FNDC3B: variants seen among roughly 807,000 people sequenced by gnomAD.
FNDC3B encodes fibronectin type III domain containing 3B, also known as fibronectin type III domain-containing protein 3B.
Under a neutral mutation model 151.5 loss-of-function variants are expected in FNDC3B, and 12 were observed. That is an observed-to-expected ratio of 0.08 (90% CI 0.05 to 0.13). The LOEUF is 0.13. Ranked by LOEUF, FNDC3B falls within the 10% of genes least tolerant of loss-of-function variation. The pLI is 1.00. For synonymous variants in FNDC3B, 528 were observed against 549.0 expected (o/e 0.96, Z 0.54); for missense variants, 1,214 against 1,505.3 (o/e 0.81, Z 3.20).
At position 172,399,194 on chromosome 3, in the gene FNDC3B, C is replaced by T. The variant is rs1457832776; in HGVS notation, c.*1719C>T. The T allele has an allele frequency of 6.6e-6, 1 of 152,568 alleles. No homozygotes were observed. Among genetic ancestry groups the T allele is most frequent in the African/African-American group, 2.4e-5 (1 of 41,430 alleles). The allele number at this position is 152,568 out of a possible 1,614,324, so 9.5% of individuals were successfully genotyped here. A position where few individuals can be genotyped will look rare whatever the true frequency, so the allele number is the denominator to read the frequency against. ...CATACAGTACTTTAAATGCCAATTA[C>T]AGTGCAATCTTTATTTATTGTAAAA... is the stretch of plus-strand genomic sequence containing the variant. On this transcript the variant is annotated 3_prime_UTR_variant, in exon 26 of 26. Transcript: ENST00000415807.
intron 3 of FNDC3B, among the ~76,000 whole-genome samples, chr3:172,223,377 T>C (rs1726387846): frequency 6.6e-6 from 1 of 152,234 alleles, no homozygotes; most frequent in Non-Finnish European, 1.5e-5. Flanking sequence ...TGCATATTTT[T>C]AAATGTCCTT....
At chr3:172,341,029 C>G in intron 16 of FNDC3B, 84 bp from the exon 17 acceptor site, 1 of 888,530 alleles carries the variant, frequency 1.1e-6, no homozygotes, top group Non-Finnish European at 1.9e-6. Context: ...TTCATGAAAA[C>G]ATAGAGCTTT....
intron 1 of FNDC3B, among the ~76,000 whole-genome samples, chr3:172,098,713 G>A (rs1484489904): frequency 1.3e-5 from 2 of 152,096 alleles, no homozygotes; most frequent in African/African-American, 4.8e-5. Flanking sequence ...TGGAATTGTT[G>A]AGTTTCCCCT....
chr3:172,098,478 A>G (rs1719199107), intron 1 of FNDC3B, among the ~76,000 whole-genome samples: 1 of 152,186 alleles, frequency 6.6e-6, no homozygotes, highest in Non-Finnish European at 1.5e-5. Context: ...TAAGGTATTT[A>G]AGGAATCGGT....
chr3:172,174,064 C>T (rs938589192), intron 3 of FNDC3B, among the ~76,000 whole-genome samples: 5 of 152,268 alleles, frequency 3.3e-5, no homozygotes, highest in African/African-American at 7.2e-5. Context: ...TACTCTGTGG[C>T]ACCTCCTTAG....
chr3:172,344,039 C>T, intron 18 of FNDC3B, 47 bp from the exon 19 acceptor site: 2 of 1,552,136 alleles, frequency 1.3e-6, no homozygotes, highest in African/African-American at 1.4e-5. Flanking sequence ...CTTTGGTCAA[C>T]TGGAAGCACA....
intron 1 of FNDC3B, among the ~76,000 whole-genome samples, chr3:172,093,459 C>T (rs568148875): frequency 2.6e-5 from 4 of 151,966 alleles, no homozygotes; most frequent in African/African-American, 4.8e-5. Flanking sequence ...GGGGTTTCAT[C>T]GTGTTAGCCA....
chr3:172,309,570 A>G (rs1731364589), intron 10 of FNDC3B, among the ~76,000 whole-genome samples: 1 of 152,152 alleles, frequency 6.6e-6, no homozygotes, highest in South Asian at 2.1e-4. Flanking sequence ...CTAAAATAAC[A>G]GTTTAGGACT....
intron 1 of FNDC3B, among the ~76,000 whole-genome samples, chr3:172,045,353 T>C (rs189279168): frequency 1.3e-5 from 2 of 152,318 alleles, no homozygotes; most frequent in Admixed American, 1.3e-4. Context: ...TTTGGGAAGC[T>C]GGTCTGTAGC....
intron 23 of FNDC3B, among the ~76,000 whole-genome samples, chr3:172,372,384 A>G (rs1013614580): frequency 6.6e-6 from 1 of 152,186 alleles, no homozygotes; most frequent in African/African-American, 2.4e-5. Flanking sequence ...GGTTGCCTGT[A>G]GCTACATATG....
chr3:172,287,583 G>A (rs1487525134), intron 7 of FNDC3B, among the ~76,000 whole-genome samples: 1 of 152,220 alleles, frequency 6.6e-6, no homozygotes. Flanking sequence ...AAACAGAGGA[G>A]TCAGAGAGAG....
At chr3:172,204,485 T>A (rs1725324620) in intron 3 of FNDC3B, among the ~76,000 whole-genome samples, 1 of 151,834 alleles carries the variant, frequency 6.6e-6, no homozygotes, top group South Asian at 2.1e-4. Flanking sequence ...TATACATACA[T>A]GCACAGACAA....
At chr3:172,330,093 T>C (rs1445942151) in intron 12 of FNDC3B, 1 of 152,922 alleles carries the variant, frequency 6.5e-6, no homozygotes. Context: ...CCACAGGGGA[T>C]TGGTTTCAGG....
chr3:172,135,131 T>A (rs750344321), intron 3 of FNDC3B, among the ~76,000 whole-genome samples: 8 of 152,216 alleles, frequency 5.3e-5, no homozygotes, highest in Non-Finnish European at 1.0e-4. Context: ...TAGTACATAA[T>A]GTCCCTCTAC....
At chr3:172,146,963 C>A (rs1350200162) in intron 3 of FNDC3B, among the ~76,000 whole-genome samples, 2 of 152,080 alleles carry the variant, frequency 1.3e-5, no homozygotes, top group Non-Finnish European at 2.9e-5. Flanking sequence ...TAATGAAATT[C>A]AAAGTTGATT....
chr3:172,128,348 C>G (rs1208371296), intron 2 of FNDC3B, among the ~76,000 whole-genome samples: 1 of 152,184 alleles, frequency 6.6e-6, no homozygotes, highest in Non-Finnish European at 1.5e-5. Context: ...GTTATTACCA[C>G]AAAGATAAAT....
At chr3:172,316,385 A>G (rs1028856302) in intron 11 of FNDC3B, 4 of 454,296 alleles carry the variant, frequency 8.8e-6, no homozygotes, top group South Asian at 3.1e-5. Context: ...GATTGAGGAT[A>G]TAGAGGGCTC....
intron 6 of FNDC3B, among the ~76,000 whole-genome samples, chr3:172,269,737 C>A (rs1218650543): frequency 6.6e-6 from 1 of 152,018 alleles, no homozygotes; most frequent in Non-Finnish European, 1.5e-5. Flanking sequence ...CTCCACCTCT[C>A]GGGTTCAAGC....
intron 1 of FNDC3B, among the ~76,000 whole-genome samples, chr3:172,080,104 T>TA (rs144189705): frequency 3.4e-4 from 52 of 150,950 alleles, no homozygotes; most frequent in African/African-American, 6.1e-4. Flanking sequence ...ACCTGAATTA[T>TA]AAAAAAAAAG....
Sources: allele counts gnomAD v4.1 joint callset (sites outside exome capture counted in the v4.1 genomes callset), GRCh38; gene constraint gnomAD v4.1.1; transcripts MANE v1.5; gene names NCBI Gene and HGNC (gene_info 2026-07-23, HGNC 2026-07-21).